CFAP47: variants seen among roughly 807,000 people sequenced by gnomAD.
CFAP47 encodes the protein cilia and flagella associated protein 47.
In CFAP47, 29 loss-of-function variants were observed where a neutral mutation model predicts 148.1. The ratio of observed to expected loss-of-function variants is 0.20; its 90% CI spans 0.15 to 0.27. The LOEUF (loss-of-function observed/expected upper bound fraction) is 0.27. Among genes scored for constraint, CFAP47 ranks in the 10% least tolerant of loss-of-function variants. The pLI is 1.00. For missense variants in CFAP47, 1,872 were observed against 1,697.5 expected, an observed-to-expected ratio of 1.10 and a Z score of -1.81; for synonymous variants, 664 against 577.3, an observed-to-expected ratio of 1.15 and a Z score of -2.15.
intron 37 of CFAP47, among the ~76,000 whole-genome samples, chrX:36,158,998 T>G (rs1316305207): frequency 8.9e-6 from 1 of 112,079 alleles, no homozygotes; most frequent in Non-Finnish European, 1.9e-5. Flanking sequence ...TTATCTGCCA[T>G]TATTTGGTTA....
At chrX:36,261,128 T>TC (rs1940812828) in intron 49 of CFAP47, among the ~76,000 whole-genome samples, 1 of 105,740 alleles carries the variant, frequency 9.5e-6, no homozygotes, top group Admixed American at 1.0e-4. Flanking sequence ...TAGTTTCTTT[T>TC]TTTTTTTTTT....
chrX:36,122,482 C>CT (rs1373653452), intron 33 of CFAP47, among the ~76,000 whole-genome samples: 1 of 110,706 alleles, frequency 9.0e-6, no homozygotes, highest in Non-Finnish European at 1.9e-5. Context: ...AGACATGCTA[C>CT]TTTTTTTTCA....
At chrX:36,367,290 C>A (rs1941887665) in intron 62 of CFAP47, among the ~76,000 whole-genome samples, 163 bp downstream of exon 62, 1 of 111,487 alleles carries the variant, frequency 9.0e-6, no homozygotes, top group African/African-American at 3.3e-5. Flanking sequence ...TTTTACTTAA[C>A]AATTGGAAAA....
At chrX:36,307,697 C>T (rs1455034029) in intron 55 of CFAP47, among the ~76,000 whole-genome samples, 1 of 111,062 alleles carries the variant, frequency 9.0e-6, no homozygotes, top group East Asian at 2.8e-4. Flanking sequence ...AAAACCCTGA[C>T]ATCTGAGGGG....
intron 61 of CFAP47, among the ~76,000 whole-genome samples, chrX:36,366,569 A>T (rs1296965294): frequency 9.0e-6 from 1 of 111,658 alleles, no homozygotes; most frequent in African/African-American, 3.2e-5. Flanking sequence ...TTTTGAAAAA[A>T]ATCCCCGAAT....
At chrX:36,250,868 G>A (rs970509137) in intron 48 of CFAP47, among the ~76,000 whole-genome samples, 2 of 110,986 alleles carry the variant, frequency 1.8e-5, no homozygotes, top group African/African-American at 3.3e-5. Context: ...ATATAAGCAC[G>A]CAGTAAACTG....
At chrX:36,011,911 C>A (rs1024456072) in intron 21 of CFAP47, among the ~76,000 whole-genome samples, 1 of 111,826 alleles carries the variant, frequency 8.9e-6, no homozygotes, top group Admixed American at 9.5e-5. Context: ...GTGTTTTAGT[C>A]ATGAAGGCTT....
At chrX:36,265,935 G>A (rs1050286132) in intron 49 of CFAP47, among the ~76,000 whole-genome samples, 6 of 111,743 alleles carry the variant, frequency 5.4e-5, no homozygotes, top group Non-Finnish European at 1.1e-4. Flanking sequence ...GTTGTGTATA[G>A]TTGAATGACT....
In CFAP47 at chrX:35,975,782, G is replaced by A. The variant is rs758566001; in HGVS notation, c.2582G>A (p.Arg861Gln). 9.9e-6 allele frequency: 12 copies of A among 1,208,965 alleles called. No individual in the cohort carries two copies. The African/African-American group carries it at 1.1e-4, about 11-fold the overall frequency. Residue 861 changes from arginine to glutamine, a missense_variant, in exon 15 of 64, where the codon CGA (arginine) becomes CAA (glutamine). Coordinates refer to ENST00000378653, the MANE Select transcript of CFAP47 (RefSeq NM_001304548.2). ...LSSNELVLRP[R>Q]GFFMKTCFRG... ...TCTAATGAGCTAGTATTGAGACCACGAGGCTTCTTCATGAAAACATGTTTT... is the reference window on the plus strand; with the variant it reads ...TCTAATGAGCTAGTATTGAGACCACAAGGCTTCTTCATGAAAACATGTTTT...
intron 26 of CFAP47, among the ~76,000 whole-genome samples, chrX:36,052,369 A>G (rs1937523209): frequency 8.9e-6 from 1 of 112,306 alleles, no homozygotes; most frequent in Admixed American, 9.5e-5. Context: ...ACTGGATTAT[A>G]TATATCCTCT....
At chrX:36,177,621 A>G (rs956770587) in intron 39 of CFAP47, among the ~76,000 whole-genome samples, 1 of 112,219 alleles carries the variant, frequency 8.9e-6, no homozygotes, top group African/African-American at 3.2e-5. Flanking sequence ...ACATTTTACT[A>G]TAGTTAATTT....
rs777409164 is a variant in CFAP47, at chrX:36,165,936, G to C, written c.6026+5167G>C. Reference sequence around the variant, plus strand: ...CCTTAACTTAATTATCTACTTAAAGGCTCTTTCTCCAAATACAGTCACATT... The same window carrying C: ...CCTTAACTTAATTATCTACTTAAAGCCTCTTTCTCCAAATACAGTCACATT... On this transcript the variant is annotated intron_variant, in intron 39 of 63. Coordinates refer to ENST00000378653, the MANE Select transcript of CFAP47 (RefSeq NM_001304548.2). Among the ~76,000 whole-genome samples, 4 of 111,206 alleles carry C rather than the reference G, an allele frequency of 3.6e-5. No individual in the cohort carries two copies. The South Asian group carries it at 1.1e-3, about 31-fold the overall frequency.
At chrX:36,018,189 TCTA>T (rs1937118456) in intron 22 of CFAP47, among the ~76,000 whole-genome samples, 1 of 112,132 alleles carries the variant, frequency 8.9e-6, no homozygotes, top group Non-Finnish European at 1.9e-5. Flanking sequence ...CATATAGAAA[TCTA>T]CTGGTTTTTC....
chrX:36,377,963 G>A (rs782811859), intron 62 of CFAP47, among the ~76,000 whole-genome samples: 54 of 111,671 alleles, frequency 4.8e-4, no homozygotes, highest in African/African-American at 1.5e-3. Flanking sequence ...GTTCCAATCC[G>A]CAGTCCATGT....
At chrX:35,947,278 C>T (rs991060539) in intron 3 of CFAP47, among the ~76,000 whole-genome samples, 1 of 109,572 alleles carries the variant, frequency 9.1e-6, no homozygotes, top group Admixed American at 9.7e-5. Flanking sequence ...CTGATCTAGG[C>T]TGGGCTCATC....
chrX:36,356,636 A>G (rs1270006144), intron 60 of CFAP47, among the ~76,000 whole-genome samples: 3 of 110,993 alleles, frequency 2.7e-5, no homozygotes, highest in African/African-American at 9.8e-5. Context: ...TTTAGTCTTT[A>G]GTATATGCAA....
At position 36,159,461 on chromosome X, in the gene CFAP47, G is replaced by A. The variant is rs5973603; in HGVS notation, c.5822G>A (p.Arg1941His). The change falls in exon 38 of 64, where the codon CGC becomes CAC. Residue 1941 changes from arginine (R) to histidine (H), a missense_variant. By Grantham distance (29) the Arg-to-His change is conservative. Coordinates refer to ENST00000378653, the MANE Select transcript of CFAP47 (RefSeq NM_001304548.2). ...AATGTCACTCTGAAATTCACCAGTCGCTTTATTCGTCCTGCTGAAGCTTCA... is the reference window on the plus strand; with the variant it reads ...AATGTCACTCTGAAATTCACCAGTCACTTTATTCGTCCTGCTGAAGCTTCA... ...EINVTLKFTS[R>H]FIRPAEASLL... The A allele has an allele frequency of 0.056, 16,478 of 295,175 alleles. 1,361 individuals carry two copies. Among genetic ancestry groups the A allele is most frequent in the African/African-American group, 0.31 (11,070 of 36,075 alleles). The allele number at this position is 295,175 out of a possible 1,213,427, so 24.3% of individuals were successfully genotyped here. A position where few individuals can be genotyped will look rare whatever the true frequency, so the allele number is the denominator to read the frequency against.
intron 2 of CFAP47, among the ~76,000 whole-genome samples, chrX:35,932,244 T>TTTTCTTTCTTTCTTTCTTTCTTTC (rs780392333): frequency 4.1e-4 from 44 of 106,292 alleles, no homozygotes; most frequent in African/African-American, 1.5e-3. Flanking sequence ...TTTTCTTTTC[T>TTTTCTTTCTTTCTTTCTTTCTTTC]TTTCTTTCTT....
At chrX:36,364,155 G>T (rs1401355545) in intron 61 of CFAP47, among the ~76,000 whole-genome samples, 1 of 110,792 alleles carries the variant, frequency 9.0e-6, no homozygotes, top group Non-Finnish European at 1.9e-5. Flanking sequence ...TGAATCTACA[G>T]TATTGATCAT....
Sources: gnomAD v4.1 joint callset for allele counts (sites outside exome capture counted in the v4.1 genomes callset) on GRCh38, gnomAD v4.1.1 for gene constraint, MANE v1.5 for transcripts, NCBI Gene and HGNC (gene_info 2026-07-23, HGNC 2026-07-21) for gene names.